Variants in FMO5 observed in about 807,000 individuals in gnomAD.
The protein encoded by FMO5 is flavin-containing monooxygenase 5.
FMO5 carries 51 observed loss-of-function variants against 43.6 expected under a neutral mutation model. The observed-to-expected ratio is 1.17, with a 90% CI of 0.93 to 1.48. The LOEUF (loss-of-function observed/expected upper bound fraction) is 1.48, where lower values mean the gene tolerates loss of function less well. Among genes scored for constraint, FMO5 ranks in the 40% most tolerant of loss-of-function variants. The pLI is 0.00. For synonymous variants in FMO5, 187 were observed against 216.5 expected (o/e 0.86, Z 1.20); for missense variants, 644 against 643.0 (o/e 1.00, Z -0.02).
At chr1:147,203,366 G>A (rs982203103) in intron 6 of FMO5, 9 of 1,192,666 alleles carry the variant, frequency 7.5e-6, no homozygotes, top group Admixed American at 1.7e-5. Flanking sequence ...CCCACTCTAA[G>A]TACAGTGACT....
At chr1:147,203,508 A>G in intron 6 of FMO5, 1 of 866,792 alleles carries the variant, frequency 1.2e-6, no homozygotes, top group South Asian at 1.3e-5. Flanking sequence ...TTCCTTCTTG[A>G]GGTACTGCAT....
intron 2 of FMO5, among the ~76,000 whole-genome samples, chr1:147,217,792 TC>T (rs1662275597): frequency 6.6e-6 from 1 of 152,222 alleles, no homozygotes; most frequent in Non-Finnish European, 1.5e-5. Flanking sequence ...TTTTCCCATT[TC>T]CTGCAGAATA....
At position 147,212,787 on chromosome 1, in the gene FMO5, A is replaced by G. The variant is rs116173527; in HGVS notation, c.488-252T>C. ...GGATGTGTTTGTATTTTGGATTTAG[A>G]GATATAAATATAAACTGCCTCAGAA... On this transcript the variant is annotated intron_variant, in intron 4 of 8. Transcript: ENST00000254090. 3.0e-3 allele frequency among the ~76,000 whole-genome samples: 463 copies of G among 152,256 alleles called. 4 individuals are homozygous for G. The highest frequency in any genetic ancestry group is 0.011 in the African/African-American group (443 of 41,550).
upstream of FMO5, chr1:147,225,637 T>C (rs1571464718): frequency 1.3e-5 from 2 of 153,260 alleles, no homozygotes; most frequent in African/African-American, 4.8e-5. Context: ...TTCCTGGTTT[T>C]TGCCTTAAAG....
Position 147,186,972 on chromosome 1 carries a change from C to CATAG in FMO5, c.1526_1529dup (p.Met510IlefsTer48), listed in dbSNP as rs1559629443. 4 of 1,614,174 alleles carry CATAG rather than the reference C, an allele frequency of 2.5e-6. No homozygotes were observed. Among genetic ancestry groups the CATAG allele is most frequent in the East Asian group, 2.2e-5 (1 of 44,878 alleles). ...ACTTGCCTATTGTCATTGTTGAAGT[C>CATAG]ATAGAACTACTCCTTTCAACTACTC... On this transcript the variant is annotated frameshift_variant, in exon 9 of 9. Coordinates refer to ENST00000254090, the MANE Select transcript of FMO5 (RefSeq NM_001461.4). LOFTEE classifies it low-confidence loss of function (END_TRUNC).
chr1:147,219,248 GTCTA>G (rs1263243918), intron 2 of FMO5, among the ~76,000 whole-genome samples: 2 of 152,138 alleles, frequency 1.3e-5, no homozygotes, highest in Non-Finnish European at 2.9e-5. Context: ...GTAATATTAT[GTCTA>G]TCTATGGGTA....
intron 8 of FMO5, among the ~76,000 whole-genome samples, chr1:147,188,936 G>A (rs1328759454): frequency 1.3e-5 from 2 of 152,094 alleles, no homozygotes; most frequent in Non-Finnish European, 2.9e-5. Context: ...ACCAAACTCA[G>A]TAGTGAGAAG....
intron 6 of FMO5, 54 bp from the exon 7 acceptor site, chr1:147,201,558 C>G: frequency 7.1e-7 from 1 of 1,414,474 alleles, no homozygotes; most frequent in South Asian, 1.3e-5. Context: ...GAAATCAGTA[C>G]CACATAAGTA....
At chr1:147,196,292 A>G (rs12144722) in intron 7 of FMO5, among the ~76,000 whole-genome samples, 56,680 of 151,872 alleles carry the variant, frequency 0.37, 11,045 homozygotes, top group African/African-American at 0.5. Context: ...ATTATTTATC[A>G]TCATAAATCA....
intron 2 of FMO5, among the ~76,000 whole-genome samples, chr1:147,220,228 GTATAAACATAACAAAATATGTATAGGATT>G (rs1662777291): frequency 6.6e-6 from 1 of 152,092 alleles, no homozygotes; most frequent in African/African-American, 2.4e-5. Flanking sequence ...ACATACGTAG[GTATAAACATAACAAAATATGTATAGGATT>G]TATAAGCATG....
chr1:147,204,276 A>G lies in FMO5; in HGVS notation c.831-2772T>C. 5.9e-6 allele frequency: 6 copies of G among 1,011,338 alleles called. No individual in the cohort carries two copies. In the East Asian group the frequency reaches 9.5e-5, roughly 16 times the overall value. 62.6% of individuals were successfully genotyped at this position (1,011,338 alleles called of 1,614,324 possible). A position where few individuals can be genotyped will look rare whatever the true frequency, so the allele number is the denominator to read the frequency against. Reference sequence around the variant, plus strand: ...CTGTTTCCTTCTTAAAAACCATGCCATGCAATACTGAAGAGGAAGTGATAC... The same window carrying G: ...CTGTTTCCTTCTTAAAAACCATGCCGTGCAATACTGAAGAGGAAGTGATAC... On this transcript the variant is annotated intron_variant, in intron 6 of 8. Coordinates refer to ENST00000254090, the MANE Select transcript of FMO5 (RefSeq NM_001461.4).
chr1:147,187,333 C>G (rs1655798441), intron 8 of FMO5, 88 bp from the exon 9 acceptor site: 1 of 889,508 alleles, frequency 1.1e-6, no homozygotes. Context: ...CTGCTATTGG[C>G]TCAATATCAG....
chr1:147,209,116 A>AT, intron 5 of FMO5, 65 bp from the exon 6 acceptor site: 2 of 1,416,644 alleles, frequency 1.4e-6, no homozygotes, highest in Non-Finnish European at 2.0e-6. Flanking sequence ...AAGCACCCCC[A>AT]TTTTCTTCAA....
At chr1:147,216,573 T>TA (rs1164842614) in intron 2 of FMO5, among the ~76,000 whole-genome samples, 2 of 152,128 alleles carry the variant, frequency 1.3e-5, no homozygotes, top group Non-Finnish European at 1.5e-5. Flanking sequence ...CCTAGCCTTT[T>TA]AAAAAAATAT....
intron 7 of FMO5, among the ~76,000 whole-genome samples, chr1:147,192,274 T>C (rs1326729094): frequency 2.0e-5 from 3 of 152,106 alleles, no homozygotes; most frequent in African/African-American, 7.3e-5. Flanking sequence ...TTTGAAGCAA[T>C]TGTGAATGGG....
rs782441743 is a variant in FMO5 at position 147,208,947 on chromosome 1, C to A, written c.735G>T (p.Trp245Cys). 3 of 1,613,976 alleles carry A rather than the reference C, an allele frequency of 1.9e-6. No individual in the cohort carries two copies. The South Asian group carries it at 3.3e-5, about 18-fold the overall frequency. The change falls in exon 6 of 9, where the codon TGG becomes TGT. Residue 245 changes from tryptophan to cysteine, a missense_variant. Coordinates refer to ENST00000254090, the MANE Select transcript of FMO5 (RefSeq NM_001461.4). The stretch of plus-strand genomic sequence containing the variant: ...TTGCTAATGATTGGCCACAGATCTT[C>A]CATATAAAATGTGTAAGTCGAGAAG... ...LFSSRLTHFI[W>C]KICGQSLANK...
intron 6 of FMO5, chr1:147,204,136 C>A (rs892458601): frequency 9.4e-7 from 1 of 1,063,478 alleles, no homozygotes; most frequent in Admixed American, 1.7e-5. Flanking sequence ...TACTTAAATT[C>A]ATCAATTCTT....
intron 7 of FMO5, 88 bp downstream of exon 7, chr1:147,201,064 G>C: frequency 1.1e-6 from 1 of 888,434 alleles, no homozygotes; most frequent in South Asian, 1.6e-5. Context: ...AATCATACAT[G>C]CTATCTCTAG....
intron 6 of FMO5, 174 bp downstream of exon 6, chr1:147,208,678 A>G: frequency 1.9e-6 from 1 of 524,918 alleles, no homozygotes. Flanking sequence ...AGCTCAGGTG[A>G]TCCACCCGCC....
Sources: gnomAD v4.1 joint callset for allele counts (sites outside exome capture counted in the v4.1 genomes callset) on GRCh38, gnomAD v4.1.1 for gene constraint, MANE v1.5 for transcripts, NCBI Gene and HGNC (gene_info 2026-07-23, HGNC 2026-07-21) for gene names.